Variants in NKD1 observed in about 807,000 individuals in gnomAD.
NKD1 encodes the protein protein naked cuticle homolog 1.
A neutral mutation model predicts 56.0 loss-of-function variants in NKD1; 21 were observed. The ratio of observed to expected loss-of-function variants is 0.38; its 90% confidence interval spans 0.27 to 0.54. NKD1 has a LOEUF of 0.54. Ranked by LOEUF, NKD1 falls within the 20% of genes least tolerant of loss-of-function variation. The pLI, the probability that NKD1 is intolerant of heterozygous loss-of-function variation, is 0.82. For missense variants in NKD1, 578 were observed against 642.7 expected (o/e 0.90, Z 1.09); for synonymous variants, 263 against 265.7 (o/e 0.99, Z 0.10).
rs537835409 is a variant in NKD1, at chr16:50,573,922, T to C, written c.192+24367T>C. ...ACAACAGCTGTTGACTATATATGTCTGGGGTGCAGCCCAGCAGTCTCTTTT... is the reference window on the plus strand; with the variant it reads ...ACAACAGCTGTTGACTATATATGTCCGGGGTGCAGCCCAGCAGTCTCTTTT... On this transcript the variant is annotated intron_variant, in intron 3 of 9. Coordinates refer to ENST00000268459, the MANE Select transcript of NKD1 (RefSeq NM_033119.5). 235 of 985,424 alleles carry C rather than the reference T, an allele frequency of 2.4e-4. No homozygotes were observed. The African/African-American group carries it at 3.8e-3, about 16-fold the overall frequency. 61.0% of individuals were successfully genotyped at this position (985,424 alleles called of 1,614,324 possible).
At chr16:50,594,199 A>G (rs1163837496) in intron 3 of NKD1, among the ~76,000 whole-genome samples, 5 of 152,062 alleles carry the variant, frequency 3.3e-5, no homozygotes, top group Admixed American at 1.3e-4. Context: ...GTCCATTTCC[A>G]TTTTTCTGCC....
intron 3 of NKD1, among the ~76,000 whole-genome samples, chr16:50,577,899 A>AT (rs568962980): frequency 7.2e-5 from 11 of 152,230 alleles, no homozygotes; most frequent in East Asian, 1.9e-4. Flanking sequence ...TAGCAGATAG[A>AT]TTTTTTCCTG....
intron 3 of NKD1, among the ~76,000 whole-genome samples, chr16:50,585,501 C>T (rs377276248): frequency 9.0e-4 from 137 of 152,338 alleles, no homozygotes; most frequent in Middle Eastern, 3.4e-3. Flanking sequence ...GGGCAGCAGG[C>T]CCGATGGGGG....
Position 50,634,071 on chromosome 16 carries a change from T to C in NKD1, c.*290T>C. The C allele has an allele frequency of 3.5e-6, 1 of 286,944 alleles. No individual in the cohort carries two copies. The highest frequency in any genetic ancestry group is 1.1e-4 in the South Asian group (1 of 9,062). 17.8% of individuals were successfully genotyped at this position (286,944 alleles called of 1,614,324 possible). A position where few individuals can be genotyped will look rare whatever the true frequency, so the allele number is the denominator to read the frequency against. Reference sequence around the variant, plus strand: ...GGGCTCGGGATCTGCAGCATCTATGTGGATCAGCCCACACCCTTCCCAGAG... The same window carrying C: ...GGGCTCGGGATCTGCAGCATCTATGCGGATCAGCCCACACCCTTCCCAGAG... On this transcript the variant is annotated 3_prime_UTR_variant, in exon 10 of 10. Coordinates refer to ENST00000268459, the MANE Select transcript of NKD1 (RefSeq NM_033119.5).
chr16:50,624,917 G>A (rs1367117030), intron 5 of NKD1, among the ~76,000 whole-genome samples: 1 of 152,236 alleles, frequency 6.6e-6, no homozygotes, highest in Admixed American at 6.5e-5. Flanking sequence ...GGGCATGTGG[G>A]TGGGGCATTT....
At chr16:50,592,667 C>T (rs966568112) in intron 3 of NKD1, among the ~76,000 whole-genome samples, 2 of 151,830 alleles carry the variant, frequency 1.3e-5, no homozygotes, top group African/African-American at 2.4e-5. Flanking sequence ...GAGTGGGGCC[C>T]GCACAGAGCC....
intron 3 of NKD1, chr16:50,566,077 T>C: frequency 2.4e-6 from 2 of 821,576 alleles, no homozygotes; most frequent in Middle Eastern, 6.3e-4. Flanking sequence ...AGTTTTTCCT[T>C]CTGGCTGGTG....
At chr16:50,549,393 T>TC (rs779924810) in intron 2 of NKD1, 29 bp from the exon 3 acceptor site, 1 of 1,605,940 alleles carries the variant, frequency 6.2e-7, no homozygotes, top group Admixed American at 1.7e-5. Flanking sequence ...GGAGCCAGAC[T>TC]CAGGGGCTTC....
rs2151260612 is a variant in NKD1, at chr16:50,549,543, C to G, written c.180C>G (p.Gly60=). The part of the protein sequence containing the change: ...PRQLRLAGTI[G]RSTRELVGDV... ...AGCTGCGGTTGGCGGGCACCATAGG[C>G]CGAAGCACCCGGGTATGATTCCCCA... is the stretch of plus-strand genomic sequence containing the variant. Residue 60 remains glycine, a synonymous_variant, in exon 3 of 10, where the codon GGC becomes GGG. Coordinates refer to ENST00000268459, the MANE Select transcript of NKD1 (RefSeq NM_033119.5). The G allele has an allele frequency of 6.3e-7, 1 of 1,594,926 alleles. No individual in the cohort carries two copies. The highest frequency in any genetic ancestry group is 1.7e-4 in the Middle Eastern group (1 of 5,990).
At chr16:50,614,378 TCACA>T (rs747721050) in intron 4 of NKD1, among the ~76,000 whole-genome samples, 4 of 151,570 alleles carry the variant, frequency 2.6e-5, no homozygotes, top group African/African-American at 9.7e-5. Flanking sequence ...ACACACACAC[TCACA>T]CACACACGTA....
chr16:50,614,482 C>CA (rs1196380396), intron 4 of NKD1, among the ~76,000 whole-genome samples: 1 of 152,172 alleles, frequency 6.6e-6, no homozygotes, highest in Non-Finnish European at 1.5e-5. Flanking sequence ...GCTTCTCCCC[C>CA]ACAGGGGGCA....
At chr16:50,627,702 C>A (rs927224130) in intron 6 of NKD1, among the ~76,000 whole-genome samples, 1 of 152,196 alleles carries the variant, frequency 6.6e-6, no homozygotes, top group Non-Finnish European at 1.5e-5. Flanking sequence ...CCCCTTCAGG[C>A]GTTCGTTCAT....
chr16:50,589,061 C>G (rs1007890961), intron 3 of NKD1, among the ~76,000 whole-genome samples: 11 of 152,262 alleles, frequency 7.2e-5, no homozygotes, highest in African/African-American at 2.6e-4. Context: ...ACCATTTGGT[C>G]TTCCTATTTT....
intron 3 of NKD1, among the ~76,000 whole-genome samples, chr16:50,583,726 C>T (rs541029337): frequency 2.0e-5 from 3 of 152,160 alleles, no homozygotes; most frequent in African/African-American, 7.2e-5. Flanking sequence ...TAGAGCATTG[C>T]CTTTTAAGTA....
Position 50,641,582 on chromosome 16 carries a change from A to G in NKD1, c.*7801A>G, listed in dbSNP as rs1962580248. ...GGCTGCAATCCGCCCGCCTCTTCCA[A>G]TGGTGCACATGCCTTTTTTCCTGCG... On this transcript the variant is annotated 3_prime_UTR_variant, in exon 10 of 10. Coordinates refer to ENST00000268459, the MANE Select transcript of NKD1 (RefSeq NM_033119.5). 6.6e-6 allele frequency: 1 copy of G among 152,218 alleles called. No individual in the cohort carries two copies. Among genetic ancestry groups the G allele is most frequent in the South Asian group, 2.1e-4 (1 of 4,826 alleles). 9.4% of individuals were successfully genotyped at this position (152,218 alleles called of 1,614,324 possible).
At chr16:50,566,061 A>C in intron 3 of NKD1, 1 of 669,442 alleles carries the variant, frequency 1.5e-6, no homozygotes, top group Non-Finnish European at 1.8e-6. Context: ...TTTCTGGCAA[A>C]GCTGGAGTTT....
Position 50,623,247 on chromosome 16 carries a change from T to C in NKD1, c.366+1539T>C, listed in dbSNP as rs544775569. 1.3e-5 allele frequency among the ~76,000 whole-genome samples: 2 copies of C among 150,912 alleles called. No individual in the cohort carries two copies. The highest frequency in any genetic ancestry group is 3.0e-5 in the Non-Finnish European group (2 of 67,720). ...CGATCTTACCCCCTTTCCAGTGTCA[T>C]CTCCCTGCCATGCCCCACCATCCTG... On this transcript the variant is annotated intron_variant, in intron 5 of 9. Coordinates refer to ENST00000268459, the MANE Select transcript of NKD1 (RefSeq NM_033119.5). The surrounding 1 kb of genome is among the most constrained non-coding windows in gnomAD (Gnocchi z 4.1).
At chr16:50,591,581 G>GC (rs1961368213) in intron 3 of NKD1, among the ~76,000 whole-genome samples, 1 of 152,162 alleles carries the variant, frequency 6.6e-6, no homozygotes. Context: ...ATACCCTCTT[G>GC]CCATGCTTCC....
At chr16:50,554,988 G>C (rs1207182171) in intron 3 of NKD1, among the ~76,000 whole-genome samples, 1 of 152,198 alleles carries the variant, frequency 6.6e-6, no homozygotes, top group Non-Finnish European at 1.5e-5. Flanking sequence ...GAGAATAAGA[G>C]AGATGTGGTT....
Sources: gnomAD v4.1 joint callset for allele counts (sites outside exome capture counted in the v4.1 genomes callset) on GRCh38, gnomAD v4.1.1 for gene constraint, Gnocchi (gnomAD v3.1) non-coding constraint, MANE v1.5 for transcripts, NCBI Gene and HGNC (gene_info 2026-07-23, HGNC 2026-07-21) for gene names.